The following CDH12 variants were observed in gnomAD, a reference collection of about 807,000 sequenced individuals.
CDH12 encodes the protein cadherin 12, also known as cadherin-12.
In CDH12, 41 loss-of-function variants were observed where a neutral mutation model predicts 74.1. That is an observed-to-expected ratio of 0.55 (90% CI 0.43 to 0.72). The LOEUF (loss-of-function observed/expected upper bound fraction) is 0.72. CDH12 is among the 30% of genes least tolerant of loss of function. CDH12 has a pLI of 0.00. For synonymous variants in CDH12, 399 were observed against 355.0 expected, an observed-to-expected ratio of 1.12 and a Z score of -1.39; for missense variants, 945 against 977.2, an observed-to-expected ratio of 0.97 and a Z score of 0.44.
intron 1 of CDH12, among the ~76,000 whole-genome samples, chr5:22,652,446 CAG>C (rs1389964159): frequency 3.3e-5 from 5 of 152,126 alleles, no homozygotes; most frequent in Non-Finnish European, 7.4e-5. Context: ...TCTTGAATGA[CAG>C]GGTACTGTTT....
intron 4 of CDH12, among the ~76,000 whole-genome samples, chr5:22,166,084 CT>C (rs1170354367): frequency 7.2e-5 from 11 of 152,126 alleles, no homozygotes; most frequent in Non-Finnish European, 1.5e-4. Context: ...ACCACGAATT[CT>C]TTTTTGTGTG....
intron 3 of CDH12, among the ~76,000 whole-genome samples, chr5:22,340,555 C>T (rs1478498375): frequency 4.0e-5 from 6 of 151,150 alleles, no homozygotes; most frequent in Non-Finnish European, 7.4e-5. Flanking sequence ...GTTTTTCAAA[C>T]TCTAGTGATT....
At chr5:22,351,049 T>C (rs1347121573) in intron 3 of CDH12, among the ~76,000 whole-genome samples, 1 of 151,978 alleles carries the variant, frequency 6.6e-6, no homozygotes, top group East Asian at 1.9e-4. Flanking sequence ...CCTTATAGAG[T>C]AACATCTTTA....
chr5:22,526,805 A>T (rs2126695255), intron 1 of CDH12, among the ~76,000 whole-genome samples: 1 of 152,316 alleles, frequency 6.6e-6, no homozygotes, highest in East Asian at 1.9e-4. Context: ...AGGTAGAAGC[A>T]GTTCTGGTGG....
At chr5:22,023,792 C>G (rs1738160798) in intron 5 of CDH12, among the ~76,000 whole-genome samples, 1 of 152,100 alleles carries the variant, frequency 6.6e-6, no homozygotes, top group African/African-American at 2.4e-5. Flanking sequence ...TGGCTTAACT[C>G]ACACTAAGCT....
chr5:22,824,287 T>C (rs906733659), intron 1 of CDH12, among the ~76,000 whole-genome samples: 1 of 152,132 alleles, frequency 6.6e-6, no homozygotes, highest in Middle Eastern at 3.4e-3. Context: ...CTCCCAAATA[T>C]AATTCTCAAG....
At chr5:22,852,898 C>A (rs553227184) in intron 1 of CDH12, among the ~76,000 whole-genome samples, 160 bp downstream of exon 1, 2 of 152,204 alleles carry the variant, frequency 1.3e-5, no homozygotes, top group Non-Finnish European at 2.9e-5. Context: ...AGCAAAACCA[C>A]GCACAAGCTC....
Position 21,834,903 on chromosome 5 carries a change from C to T in CDH12, c.814+7258G>A, listed in dbSNP as rs182309582. On this transcript the variant is annotated intron_variant, in intron 8 of 14. Transcript: ENST00000382254. ...TTTCACATAAGAGCCATTATTTTAG[C>T]CATACTTCCTTGGTATTTGCTTTCA... is the stretch of plus-strand genomic sequence containing the variant. Among the ~76,000 whole-genome samples the T allele has an allele frequency of 3.1e-3, 468 of 152,028 alleles. 5 individuals are homozygous for T. Among genetic ancestry groups the T allele is most frequent in the African/African-American group, 0.011 (441 of 41,464 alleles).
rs746022963 is a variant in CDH12, at chr5:21,802,161, T to A, written c.1256+6A>T. The A allele has an allele frequency of 5.3e-5, 85 of 1,589,126 alleles. 1 individual carries two copies. The South Asian group carries it at 9.4e-4, about 18-fold the overall frequency. ...AACATAGAAAAAAAATGTTTCTTTT[T>A]CTCACCTAACAGCACTGCTGCCTAC... is the stretch of plus-strand genomic sequence containing the variant. On this transcript the variant is annotated splice_donor_region_variant and intron_variant, in intron 10 of 14. Coordinates refer to ENST00000382254, the MANE Select transcript of CDH12 (RefSeq NM_004061.5).
intron 6 of CDH12, chr5:21,884,400 T>C (rs1579906251): frequency 1.9e-6 from 2 of 1,066,460 alleles, no homozygotes; most frequent in African/African-American, 1.6e-5. Flanking sequence ...GAGAAGTCAG[T>C]TGGAGAAAAT....
chr5:22,280,024 C>A (rs922235658), intron 3 of CDH12, among the ~76,000 whole-genome samples: 1 of 152,128 alleles, frequency 6.6e-6, no homozygotes, highest in Admixed American at 6.5e-5. Context: ...TTCTCCACAT[C>A]CTCTCCAGCA....
At chr5:22,349,253 G>T (rs1391151186) in intron 3 of CDH12, among the ~76,000 whole-genome samples, 7 of 152,172 alleles carry the variant, frequency 4.6e-5, no homozygotes, top group Non-Finnish European at 7.3e-5. Flanking sequence ...TGTTATAGCT[G>T]CCCGAATAAA....
intron 1 of CDH12, among the ~76,000 whole-genome samples, chr5:22,822,042 C>G (rs1293504317): frequency 1.3e-5 from 2 of 152,102 alleles, no homozygotes; most frequent in South Asian, 2.1e-4. Flanking sequence ...AGATATAGAT[C>G]AATGGAACAG....
intron 2 of CDH12, among the ~76,000 whole-genome samples, chr5:22,498,209 A>G (rs1424484926): frequency 2.6e-5 from 4 of 152,142 alleles, no homozygotes; most frequent in African/African-American, 9.7e-5. Flanking sequence ...CAACACAGAA[A>G]CTTCCTGGCA....
intron 1 of CDH12, among the ~76,000 whole-genome samples, chr5:22,797,704 T>G (rs1397926340): frequency 6.6e-6 from 1 of 152,180 alleles, no homozygotes; most frequent in Non-Finnish European, 1.5e-5. Flanking sequence ...GCCTTAACTA[T>G]TAGAGAATTT....
intron 1 of CDH12, among the ~76,000 whole-genome samples, chr5:22,785,069 G>T (rs921181802): frequency 2.0e-5 from 3 of 152,074 alleles, no homozygotes; most frequent in African/African-American, 7.2e-5. Context: ...AAGGAAGGAG[G>T]TTATGATGCC....
intron 8 of CDH12, among the ~76,000 whole-genome samples, chr5:21,823,741 T>C (rs1748501046): frequency 6.6e-6 from 1 of 152,114 alleles, no homozygotes; most frequent in Non-Finnish European, 1.5e-5. Context: ...TTGGTGACCT[T>C]GCCTTGTAGT....
chr5:22,623,668 C>T (rs987662538), intron 1 of CDH12, among the ~76,000 whole-genome samples: 3 of 152,012 alleles, frequency 2.0e-5, no homozygotes, highest in East Asian at 1.9e-4. Context: ...TAAAAGAGGA[C>T]ACAAACAAAT....
intron 1 of CDH12, among the ~76,000 whole-genome samples, chr5:22,653,309 G>C (rs571746748): frequency 6.6e-4 from 101 of 152,086 alleles, no homozygotes; most frequent in African/African-American, 2.3e-3. Flanking sequence ...GATTTATATA[G>C]TCATTTCTCC....
Sources: gnomAD v4.1 joint callset for allele counts (sites outside exome capture counted in the v4.1 genomes callset) on GRCh38, gnomAD v4.1.1 for gene constraint, MANE v1.5 for transcripts, NCBI Gene and HGNC (gene_info 2026-07-23, HGNC 2026-07-21) for gene names.